RBM19: variants seen among roughly 807,000 people sequenced by gnomAD.
The protein encoded by RBM19 is probable RNA-binding protein 19.
Under a neutral mutation model 116.8 loss-of-function variants are expected in RBM19, and 94 were observed. The observed-to-expected ratio is 0.80, with a 90% CI of 0.68 to 0.95. RBM19 has a LOEUF of 0.95. Ranked by LOEUF, RBM19 falls within the 40% of genes least tolerant of loss-of-function variation. The pLI, the probability that RBM19 is intolerant of heterozygous loss-of-function variation, is 0.00. For synonymous variants in RBM19, 475 were observed against 494.1 expected, an observed-to-expected ratio of 0.96 and a Z score of 0.51; for missense variants, 1,161 against 1,220.7, an observed-to-expected ratio of 0.95 and a Z score of 0.73.
chr12:113,819,745 T>C (rs1874294083), downstream of RBM19, among the ~76,000 whole-genome samples: 1 of 152,294 alleles, frequency 6.6e-6, no homozygotes, highest in African/African-American at 2.4e-5. Flanking sequence ...ACATGCTGGA[T>C]GGAGGAATTT....
In RBM19 at chr12:113,892,077, G is replaced by A. The variant is rs374995626; in HGVS notation, c.2558+22892C>T. On this transcript the variant is annotated intron_variant, in intron 21 of 23. Coordinates refer to ENST00000261741, the MANE Select transcript of RBM19 (RefSeq NM_016196.4). ...CCCGGTGTAACTTACTCTGTGAGCT[G>A]AGCCATTATAGAAGGCTTTTAAGCA... 7.9e-5 allele frequency among the ~76,000 whole-genome samples: 12 copies of A among 152,296 alleles called. No homozygotes were observed. The East Asian group carries it at 9.6e-4, about 12-fold the overall frequency.
At chr12:113,955,035 G>T (rs572096747) in intron 7 of RBM19, 96 bp downstream of exon 7, 2 of 1,219,852 alleles carry the variant, frequency 1.6e-6, no homozygotes, top group East Asian at 2.3e-5. Flanking sequence ...GTCCTCAACC[G>T]ACTCTAATGC....
At chr12:113,916,356 A>G (rs1431221091) in intron 20 of RBM19, among the ~76,000 whole-genome samples, 2 of 152,190 alleles carry the variant, frequency 1.3e-5, no homozygotes, top group Non-Finnish European at 2.9e-5. Context: ...GCAGTGAGCT[A>G]AGATCACACC....
rs1358536703 is a variant in RBM19 at position 113,960,156 on chromosome 12, C to A, written c.242G>T (p.Gly81Val). The change falls in exon 3 of 24, where the codon GGG becomes GTG. Residue 81 changes from glycine to valine, a missense_variant. Gly to Val is a moderately radical substitution (Grantham distance 109). Coordinates refer to ENST00000261741, the MANE Select transcript of RBM19 (RefSeq NM_016196.4). ...CCAGGCTCTGGGTTTGGCCGGGTCC[C>A]CGAATGACTTGCAGAACTCCACCTG... ...RITVEFCKSF[G>V]DPAKPRAWSK... The A allele has an allele frequency of 1.2e-6, 2 of 1,613,724 alleles. No individual in the cohort carries two copies. Among genetic ancestry groups the A allele is most frequent in the African/African-American group, 1.3e-5 (1 of 74,892 alleles).
At chr12:113,955,337 G>C (rs1206506973) in intron 6 of RBM19, 126 bp from the exon 7 acceptor site, 4 of 902,702 alleles carry the variant, frequency 4.4e-6, no homozygotes, top group Non-Finnish European at 7.1e-6. Context: ...GGGGAATGCT[G>C]GGAAGAATCA....
chr12:113,845,119 C>T (rs534612564), intron 22 of RBM19, among the ~76,000 whole-genome samples: 93 of 152,242 alleles, frequency 6.1e-4, no homozygotes, highest in Non-Finnish European at 1.1e-3. Flanking sequence ...GCCTCCCACC[C>T]GGCTGTCTGC....
At chr12:113,851,920 G>A (rs965658189) in intron 22 of RBM19, among the ~76,000 whole-genome samples, 5 of 151,998 alleles carry the variant, frequency 3.3e-5, no homozygotes, top group African/African-American at 4.8e-5. Context: ...GTGTGGAGGC[G>A]CACGTCTGTG....
At chr12:113,870,596 A>G (rs1359506770) in intron 21 of RBM19, among the ~76,000 whole-genome samples, 2 of 152,210 alleles carry the variant, frequency 1.3e-5, no homozygotes, top group Non-Finnish European at 2.9e-5. Context: ...TCAATGGAAA[A>G]GCAGAGCAAC....
intron 10 of RBM19, among the ~76,000 whole-genome samples, chr12:113,947,839 G>A (rs1871163947): frequency 6.6e-6 from 1 of 151,512 alleles, no homozygotes; most frequent in African/African-American, 2.4e-5. Flanking sequence ...TCAAATTAAA[G>A]CACACCCTTT....
At chr12:113,929,485 G>C (rs1027467747) in intron 16 of RBM19, among the ~76,000 whole-genome samples, 10 of 152,196 alleles carry the variant, frequency 6.6e-5, no homozygotes, top group Admixed American at 4.6e-4. Context: ...CAACAAGAGA[G>C]ACTCCATGGT....
intron 18 of RBM19, 85 bp from the exon 19 acceptor site, chr12:113,920,775 T>G: frequency 8.4e-7 from 1 of 1,191,174 alleles, no homozygotes; most frequent in South Asian, 1.2e-5. Flanking sequence ...CCCCCAGACC[T>G]GCGCTGTATT....
chr12:113,925,211 T>C (rs1212857488), intron 17 of RBM19, among the ~76,000 whole-genome samples: 1 of 152,138 alleles, frequency 6.6e-6, no homozygotes, highest in Non-Finnish European at 1.5e-5. Context: ...GCAAAATCCA[T>C]GTTTACCTGG....
intron 23 of RBM19, among the ~76,000 whole-genome samples, chr12:113,823,800 G>GTCCA (rs1874625572): frequency 2.6e-5 from 4 of 152,080 alleles, no homozygotes; most frequent in Non-Finnish European, 5.9e-5. Context: ...CTTCAGAGAG[G>GTCCA]CTGGACCAAG....
chr12:113,945,374 T>G (rs1466331), intron 13 of RBM19, among the ~76,000 whole-genome samples: 1 of 152,010 alleles, frequency 6.6e-6, no homozygotes, highest in South Asian at 2.1e-4. Flanking sequence ...TCATGAGACA[T>G]GGTTCAGAGC....
At position 113,915,066 on chromosome 12, in the gene RBM19, G is replaced by T. The variant is rs16943379; in HGVS notation, c.2461C>A (p.Arg821=). The change falls in exon 21 of 24, where the codon CGG becomes AGG. Residue 821 remains arginine (R), a synonymous_variant. Coordinates refer to ENST00000261741, the MANE Select transcript of RBM19 (RefSeq NM_016196.4). ...TGCTTTCTGGGAACTTGTTTCTTCCGAGCCAATGTCACGGCTGGCCTGGAG... is the reference window on the plus strand; with the variant it reads ...TGCTTTCTGGGAACTTGTTTCTTCCTAGCCAATGTCACGGCTGGCCTGGAG... ...RATKPAVTLA[R]KKQVPRKQTT... 6.2e-7 allele frequency: 1 copy of T among 1,614,176 alleles called. No homozygotes were observed. Among genetic ancestry groups the T allele is most frequent in the Admixed American group, 1.7e-5 (1 of 60,022 alleles).
At position 113,925,256 on chromosome 12, in the gene RBM19, C is replaced by T. The variant is rs151001278; in HGVS notation, c.2245-499G>A. ...ACGTCTTCAGCACTACACACAGAGC[C>T]CAGGGAAAGGCAGATACCCAATAAA... On this transcript the variant is annotated intron_variant, in intron 17 of 23. Transcript: ENST00000261741. 4.1e-4 allele frequency among the ~76,000 whole-genome samples: 63 copies of T among 152,216 alleles called. No homozygotes were observed. The East Asian group carries it at 0.011, about 27-fold the overall frequency.
intron 21 of RBM19, among the ~76,000 whole-genome samples, chr12:113,886,096 C>T (rs1343868855): frequency 6.6e-6 from 1 of 152,030 alleles, no homozygotes; most frequent in Non-Finnish European, 1.5e-5. Flanking sequence ...TGGTCTCTAT[C>T]TCTTGACCTT....
At chr12:113,857,525 C>T (rs1350356034) in intron 22 of RBM19, among the ~76,000 whole-genome samples, 3 of 152,244 alleles carry the variant, frequency 2.0e-5, no homozygotes, top group Admixed American at 6.5e-5. Flanking sequence ...GTGCCTGCCC[C>T]GCTGTGAGGG....
intron 23 of RBM19, among the ~76,000 whole-genome samples, chr12:113,841,294 A>T (rs571320700): frequency 1.3e-5 from 2 of 152,218 alleles, no homozygotes. Context: ...TCATTCTCTC[A>T]GTTTCTGAAG....
Sources: allele counts gnomAD v4.1 joint callset (sites outside exome capture counted in the v4.1 genomes callset), GRCh38; gene constraint gnomAD v4.1.1; transcripts MANE v1.5; gene names NCBI Gene and HGNC (gene_info 2026-07-23, HGNC 2026-07-21).